The following DZIP1 variants were observed in gnomAD, a reference collection of about 807,000 sequenced individuals.
DZIP1 encodes the protein DAZ interacting zinc finger protein 1.
In DZIP1, 97 loss-of-function variants were observed where a neutral mutation model predicts 107.6. That is an observed-to-expected ratio of 0.90 (90% CI 0.77 to 1.07). DZIP1 has a LOEUF of 1.07. DZIP1 is among the 50% of genes least tolerant of loss of function. DZIP1 has a pLI of 0.00. For missense variants in DZIP1, 1,035 were observed against 1,063.6 expected, an observed-to-expected ratio of 0.97 and a Z score of 0.37; for synonymous variants, 390 against 386.4, an observed-to-expected ratio of 1.01 and a Z score of -0.11.
chr13:95,639,014 G>A (rs1055874244), intron 5 of DZIP1, among the ~76,000 whole-genome samples: 11 of 152,156 alleles, frequency 7.2e-5, no homozygotes, highest in Non-Finnish European at 1.5e-4. Flanking sequence ...TATTTGTCAT[G>A]CCACAAAACG....
intron 9 of DZIP1, among the ~76,000 whole-genome samples, chr13:95,621,665 AGTGTGTGTGTGTGTGTGTGTGTGTGTGT>A (rs3051402): frequency 8.1e-6 from 1 of 123,326 alleles, no homozygotes; most frequent in African/African-American, 3.0e-5. Context: ...ACCAGTTAGC[AGTGTGTGTGTGTGTGTGTGTGTGTGTGT>A]GTGTGTGTGT....
chr13:95,619,529 T>C (rs1875556962), intron 10 of DZIP1, among the ~76,000 whole-genome samples: 1 of 152,242 alleles, frequency 6.6e-6, no homozygotes, highest in Non-Finnish European at 1.5e-5. Flanking sequence ...CGTAAAACCT[T>C]CAGAAGGAAA....
In DZIP1 at chr13:95,609,508, G is replaced by C. The variant is rs1473473314; in HGVS notation, c.1369C>G (p.Pro457Ala). 2.5e-6 allele frequency: 4 copies of C among 1,581,064 alleles called. No individual in the cohort carries two copies. The highest frequency in any genetic ancestry group is 2.7e-5 in the African/African-American group (2 of 73,482). Residue 457 changes from proline to alanine, a missense_variant, in exon 13 of 23, where the codon CCT (proline) becomes GCT (alanine). Physicochemically the swap from Pro to Ala is conservative, Grantham distance 27. Transcript: ENST00000376829. ...GATTCAAAAGCCTGCCAGGCTAAAG[G>C]ATTTCCTGAAATGACAGAAAAATAA... Reference protein sequence around the residue: ...LNSISEPKGNPLAWQAFESQP... With the variant: ...LNSISEPKGNALAWQAFESQP...
intron 6 of DZIP1, chr13:95,630,666 A>C (rs981466263): frequency 3.4e-6 from 4 of 1,181,508 alleles, no homozygotes; most frequent in Non-Finnish European, 3.2e-6. Flanking sequence ...AAAAGTTGTA[A>C]AAGGAAGCAA....
Position 95,633,290 on chromosome 13 carries a change from T to A in DZIP1, c.629A>T (p.Gln210Leu). The A allele has an allele frequency of 6.2e-7, 1 of 1,614,188 alleles. No individual in the cohort carries two copies. The highest frequency in any genetic ancestry group is 8.5e-7 in the Non-Finnish European group (1 of 1,180,030). The change falls in exon 6 of 23, where the codon CAA becomes CTA. Residue 210 changes from glutamine (Q) to leucine (L), a missense_variant. Gln to Leu is a moderately radical substitution (Grantham distance 113). Transcript: ENST00000376829. ...CHFCDKAFMN[Q>L]AFLQSHIQRR... is the part of the protein sequence containing the mutation. ...TTGAATGTGACTTTGTAGAAAAGCT[T>A]GGTTCATAAAGGCCTTGTCACAAAA...
intron 21 of DZIP1, 65 bp downstream of exon 21, chr13:95,585,941 T>C: frequency 6.8e-7 from 1 of 1,472,254 alleles, no homozygotes; most frequent in Non-Finnish European, 9.1e-7. Context: ...CTACAAAAAG[T>C]GTGACCATTA....
intron 7 of DZIP1, among the ~76,000 whole-genome samples, chr13:95,628,070 C>T (rs1335060081): frequency 2.6e-5 from 4 of 151,686 alleles, no homozygotes; most frequent in African/African-American, 7.3e-5. Flanking sequence ...CAGATGGGGT[C>T]TCATTCTGTA....
At position 95,584,795 on chromosome 13, in the gene DZIP1, T is replaced by C; in HGVS notation, c.2465A>G (p.His822Arg). The part of the protein sequence containing the change: ...KEPPPAKNEP[H>R]FAHVLNAWGA... ...CCAGGCATTTAGCACATGAGCAAAA[T>C]GTGGTTCATTTTTCGCAGGTGGAGG... Residue 822 changes from histidine (H) to arginine (R), a missense_variant, in exon 22 of 23, where the codon CAT becomes CGT. His to Arg is a conservative substitution (Grantham distance 29). Coordinates refer to ENST00000376829, the MANE Select transcript of DZIP1 (RefSeq NM_198968.4). The C allele has an allele frequency of 6.2e-7, 1 of 1,614,096 alleles. No individual in the cohort carries two copies. Among genetic ancestry groups the C allele is most frequent in the South Asian group, 1.1e-5 (1 of 91,070 alleles).
intron 14 of DZIP1, among the ~76,000 whole-genome samples, chr13:95,604,211 C>A (rs995275552): frequency 6.6e-6 from 1 of 152,226 alleles, no homozygotes; most frequent in African/African-American, 2.4e-5. Context: ...GGGACCCGAC[C>A]TACAATGGTA....
At chr13:95,638,109 G>A (rs951357591) in intron 5 of DZIP1, among the ~76,000 whole-genome samples, 2 of 107,104 alleles carry the variant, frequency 1.9e-5, no homozygotes, top group Admixed American at 2.3e-4. Context: ...TTTTTTTTGA[G>A]ATGGAGTTTT....
rs770092938 is a variant in DZIP1 at position 95,642,072 on chromosome 13, G to T, written c.-43C>A. On this transcript the variant is annotated 5_prime_UTR_variant, in exon 4 of 23. Transcript: ENST00000376829. ...CTTTACCCAGCCTGGGCCGCCTCCC[G>T]GGCCGCCGCCGCCACAGCCCTCAGG... is the stretch of plus-strand genomic sequence containing the variant. The T allele has an allele frequency of 4.0e-5, 60 of 1,494,800 alleles. No homozygotes were observed. In the African/African-American group the frequency reaches 7.5e-4, roughly 19 times the overall value. The allele number at this position is 1,494,800 out of a possible 1,614,324, so 92.6% of individuals were successfully genotyped here.
At chr13:95,625,528 C>CT (rs1180210497) in intron 7 of DZIP1, among the ~76,000 whole-genome samples, 3 of 152,126 alleles carry the variant, frequency 2.0e-5, no homozygotes, top group Non-Finnish European at 4.4e-5. Context: ...CCAGGAAGAC[C>CT]TTTTTTTAAG....
At chr13:95,615,453 A>G (rs978249656) in intron 10 of DZIP1, among the ~76,000 whole-genome samples, 22 of 152,348 alleles carry the variant, frequency 1.4e-4, no homozygotes, top group African/African-American at 5.3e-4. Flanking sequence ...CAAACCATAG[A>G]TCCAAAACAG....
At chr13:95,642,833 T>C (rs1878690672) in intron 3 of DZIP1, among the ~76,000 whole-genome samples, 1 of 149,774 alleles carries the variant, frequency 6.7e-6, no homozygotes, top group Non-Finnish European at 1.5e-5. Context: ...CCCAAGTTGC[T>C]TTTTAAATGG....
intron 15 of DZIP1, among the ~76,000 whole-genome samples, chr13:95,598,592 A>C (rs2044525539): frequency 1.3e-5 from 2 of 152,136 alleles, no homozygotes; most frequent in South Asian, 4.1e-4. Context: ...AAAAATGACA[A>C]AACCAGAACC....
intron 12 of DZIP1, 129 bp downstream of exon 12, chr13:95,611,316 T>A: frequency 1.4e-6 from 1 of 709,114 alleles, no homozygotes; most frequent in Non-Finnish European, 2.5e-6. Flanking sequence ...AGGACAGATC[T>A]ACGAAATCAA....
At chr13:95,606,132 C>T (rs9556491) in intron 13 of DZIP1, 73 bp from the exon 14 acceptor site, 137,526 of 1,462,298 alleles carry the variant, frequency 0.094, 7,685 homozygotes, top group East Asian at 0.25. Flanking sequence ...TGATGGTAGC[C>T]AAATATGCCG....
chr13:95,621,533 A>G (rs527454069), intron 9 of DZIP1, among the ~76,000 whole-genome samples: 1 of 152,216 alleles, frequency 6.6e-6, no homozygotes. Context: ...TTAAAAAAGA[A>G]TCCTGAATTC....
chr13:95,622,934 A>G (rs1203681495), intron 8 of DZIP1, among the ~76,000 whole-genome samples: 1 of 151,906 alleles, frequency 6.6e-6, no homozygotes, highest in African/African-American at 2.4e-5. Context: ...TTGTAGAGAC[A>G]GGGTTTTGCC....
Sources: allele counts gnomAD v4.1 joint callset (sites outside exome capture counted in the v4.1 genomes callset), GRCh38; gene constraint gnomAD v4.1.1; transcripts MANE v1.5; gene names NCBI Gene and HGNC (gene_info 2026-07-23, HGNC 2026-07-21).